SEMA6D: variants seen among roughly 807,000 people sequenced by gnomAD.
SEMA6D encodes the protein semaphorin 6D, also known as semaphorin-6D.
In SEMA6D, 35 loss-of-function variants were observed where a neutral mutation model predicts 106.6. That is an observed-to-expected ratio of 0.33 (90% CI 0.25 to 0.44). The LOEUF is 0.44. Ranked by LOEUF, SEMA6D falls within the 20% of genes least tolerant of loss-of-function variation. The pLI, the probability that SEMA6D is intolerant of heterozygous loss-of-function variation, is 1.00. For missense variants in SEMA6D, 1,185 were observed against 1,345.9 expected (o/e 0.88, Z 1.87); for synonymous variants, 499 against 487.7 (o/e 1.02, Z -0.31).
chr15:47,705,389 A>G (rs1000468225), intron 4 of SEMA6D, among the ~76,000 whole-genome samples: 23 of 152,224 alleles, frequency 1.5e-4, no homozygotes, highest in African/African-American at 5.5e-4. Context: ...ACCCCTAACA[A>G]TAAACTTCAC....
At chr15:47,353,138 G>C (rs1239441012) in intron 1 of SEMA6D, among the ~76,000 whole-genome samples, 1 of 151,938 alleles carries the variant, frequency 6.6e-6, no homozygotes, top group Admixed American at 6.6e-5. Context: ...GAAATCTTAA[G>C]GATTAACCTT....
At chr15:47,713,320 A>T (rs553125186), upstream of SEMA6D, among the ~76,000 whole-genome samples, 2 of 152,204 alleles carry the variant, frequency 1.3e-5, no homozygotes. Flanking sequence ...GTGGTATACT[A>T]TCATACTACA....
chr15:47,660,704 A>G (rs184867835), intron 4 of SEMA6D, among the ~76,000 whole-genome samples: 1,560 of 152,280 alleles, frequency 0.01, 17 homozygotes, highest in South Asian at 0.045. Context: ...GTTTATTTTA[A>G]AACTATTTTT....
chr15:47,190,967 C>G (rs1175845028), intron 1 of SEMA6D, among the ~76,000 whole-genome samples: 1 of 152,018 alleles, frequency 6.6e-6, no homozygotes. Flanking sequence ...CCCAGGAGTT[C>G]CAAACCAGCT....
intron 3 of SEMA6D, among the ~76,000 whole-genome samples, chr15:47,509,969 T>G (rs1337965275): frequency 6.6e-6 from 1 of 152,212 alleles, no homozygotes; most frequent in Non-Finnish European, 1.5e-5. Flanking sequence ...TACAAAATAT[T>G]TCATTCTTTT....
intron 4 of SEMA6D, among the ~76,000 whole-genome samples, chr15:47,613,471 G>A (rs1379064616): frequency 6.6e-6 from 1 of 152,038 alleles, no homozygotes; most frequent in Non-Finnish European, 1.5e-5. Flanking sequence ...GCAAACAAAT[G>A]CACTCATAAT....
At chr15:47,394,617 C>A (rs2145872078) in intron 1 of SEMA6D, among the ~76,000 whole-genome samples, 1 of 152,258 alleles carries the variant, frequency 6.6e-6, no homozygotes, top group South Asian at 2.1e-4. Context: ...TAAATCCCTC[C>A]AGAGCATTTC....
intron 1 of SEMA6D, among the ~76,000 whole-genome samples, chr15:47,227,152 A>G (rs540210483): frequency 1.3e-5 from 2 of 152,236 alleles, no homozygotes; most frequent in Admixed American, 1.3e-4. Context: ...GCATCATTGT[A>G]TTATGAAAGT....
At chr15:47,568,664 A>G (rs2046297528) in intron 3 of SEMA6D, among the ~76,000 whole-genome samples, 1 of 152,152 alleles carries the variant, frequency 6.6e-6, no homozygotes, top group African/African-American at 2.4e-5. Context: ...AGTATTTATT[A>G]TGTGTCCTCA....
chr15:47,763,185 C>G (rs571364176), intron 9 of SEMA6D, 81 bp downstream of exon 9: 9 of 1,080,266 alleles, frequency 8.3e-6, no homozygotes, highest in African/African-American at 1.6e-5. Context: ...AGGATGCTCA[C>G]TTGGCATGTT....
intron 3 of SEMA6D, among the ~76,000 whole-genome samples, chr15:47,549,825 G>A (rs887497811): frequency 1.3e-5 from 2 of 152,186 alleles, no homozygotes; most frequent in South Asian, 2.1e-4. Context: ...TTTTGGAAGT[G>A]TGCAAAATGG....
chr15:47,517,409 T>G lies in SEMA6D; in HGVS notation c.-87+46864T>G, dbSNP rs551011355. Among the ~76,000 whole-genome samples the G allele has an allele frequency of 3.9e-5, 6 of 152,184 alleles. No individual in the cohort carries two copies. The East Asian group carries it at 9.7e-4, about 24-fold the overall frequency. ...GAGTGTGTGCGTGTGTGTGTTTATA[T>G]GGGGAAAACCTATTTGCTCCTCTCT... On this transcript the variant is annotated intron_variant, in intron 3 of 19. Coordinates refer to the SEMA6D transcript ENST00000558014.
intron 2 of SEMA6D, among the ~76,000 whole-genome samples, chr15:47,448,965 C>G (rs990738975): frequency 6.6e-6 from 1 of 152,086 alleles, no homozygotes; most frequent in African/African-American, 2.4e-5. Context: ...ATCATCATCT[C>G]CCCCATTCAT....
rs56185341 is a variant in SEMA6D, at chr15:47,304,433, T to TAAAAAAAAAAAA, written c.-238-107935_-238-107924dup. ...TGCACTCCAGCCTGAGCCTTCTAAC[T>TAAAAAAAAAAAA]AAAAAAAAAAAAAAAAAAAAAAAAA... On this transcript the variant is annotated intron_variant, in intron 1 of 19. Coordinates refer to the SEMA6D transcript ENST00000558014. Among the ~76,000 whole-genome samples, 24 of 93,838 alleles carry TAAAAAAAAAAAA rather than the reference T, an allele frequency of 2.6e-4. 4 individuals are homozygous for TAAAAAAAAAAAA. The highest frequency in any genetic ancestry group is 1.5e-3 in the East Asian group (3 of 2,000). The allele number at this position is 93,838 out of a possible 152,430, so 61.6% of individuals were successfully genotyped here.
intron 1 of SEMA6D, among the ~76,000 whole-genome samples, chr15:47,227,577 A>T (rs1020664686): frequency 1.4e-4 from 20 of 142,222 alleles, no homozygotes; most frequent in Non-Finnish European, 2.9e-4. Context: ...TCTCACACAC[A>T]CACACACACA....
At chr15:47,650,438 A>G (rs897160842) in intron 4 of SEMA6D, among the ~76,000 whole-genome samples, 21 of 152,250 alleles carry the variant, frequency 1.4e-4, no homozygotes, top group African/African-American at 4.6e-4. Flanking sequence ...CACCTGGCAC[A>G]TTAAAGATGC....
chr15:47,403,424 A>T (rs1178699044), intron 1 of SEMA6D, among the ~76,000 whole-genome samples: 2 of 152,222 alleles, frequency 1.3e-5, no homozygotes, highest in African/African-American at 2.4e-5. Context: ...GTATCATCTC[A>T]GTTCAATTTA....
intron 2 of SEMA6D, among the ~76,000 whole-genome samples, chr15:47,466,878 C>A (rs1438499568): frequency 3.3e-5 from 5 of 150,534 alleles, no homozygotes; most frequent in Non-Finnish European, 7.4e-5. Context: ...AGGAGTGTAG[C>A]ACCACGCCTG....
rs148732451 is a variant in SEMA6D at position 47,581,170 on chromosome 15, A to C, written c.-86-19695A>C. ...TTTATGTATATACTGACCACTTAAC[A>C]TATATAAAACTGTGCTATTATTTTT... On this transcript the variant is annotated intron_variant, in intron 3 of 19. Coordinates refer to the SEMA6D transcript ENST00000558014. 7.9e-3 allele frequency among the ~76,000 whole-genome samples: 1,203 copies of C among 152,308 alleles called. 10 individuals carry two copies. Among genetic ancestry groups the C allele is most frequent in the African/African-American group, 0.028 (1,148 of 41,558 alleles).
Sources: gnomAD v4.1 joint callset for allele counts (sites outside exome capture counted in the v4.1 genomes callset) on GRCh38, gnomAD v4.1.1 for gene constraint, MANE v1.5 for transcripts, NCBI Gene and HGNC (gene_info 2026-07-23, HGNC 2026-07-21) for gene names.